Variants in WWOX observed in about 807,000 individuals in gnomAD.
WWOX encodes the protein WW domain containing oxidoreductase.
A neutral mutation model predicts 46.2 loss-of-function variants in WWOX; 69 were observed. That is an observed-to-expected ratio of 1.49 (90% CI 1.23 to 1.82). The LOEUF (loss-of-function observed/expected upper bound fraction) is 1.82, where lower values mean the gene tolerates loss of function less well. Ranked by LOEUF, WWOX falls within the 40% of genes most tolerant of loss-of-function variation. The pLI is 0.00. For missense variants in WWOX, 919 were observed against 542.6 expected, an observed-to-expected ratio of 1.69 and a Z score of -6.89; for synonymous variants, 359 against 202.6, an observed-to-expected ratio of 1.77 and a Z score of -6.56.
intron 8 of WWOX, among the ~76,000 whole-genome samples, chr16:78,747,171 G>T (rs894735560): frequency 1.3e-5 from 2 of 151,044 alleles, no homozygotes; most frequent in African/African-American, 4.9e-5. Context: ...GAAGAGTGGT[G>T]GGGGGCACTT....
chr16:78,407,969 G>A (rs1173563934), intron 6 of WWOX, among the ~76,000 whole-genome samples: 1 of 152,124 alleles, frequency 6.6e-6, no homozygotes, highest in African/African-American at 2.4e-5. Flanking sequence ...AAGCAAAATT[G>A]GAAGCCAAGT....
rs192987367 is a variant in WWOX, at chr16:78,137,407, C to T, written c.409+22253C>T. On this transcript the variant is annotated intron_variant, in intron 4 of 8. Transcript: ENST00000566780. ...CTCATCTGTAAAATGGGAACCATGA[C>T]GTCAGCATCACAGAGTTGTGAGAAT... 1.6e-3 allele frequency among the ~76,000 whole-genome samples: 251 copies of T among 152,236 alleles called. 2 individuals are homozygous for T. Among genetic ancestry groups the T allele is most frequent in the Non-Finnish European group, 4.4e-4 (30 of 68,040 alleles).
chr16:78,815,362 G>C (rs1355689783), intron 8 of WWOX, among the ~76,000 whole-genome samples: 2 of 151,774 alleles, frequency 1.3e-5, no homozygotes, highest in African/African-American at 4.8e-5. Context: ...ATACATTTTA[G>C]CTGACAAGGG....
At chr16:78,887,055 C>T (rs559000582) in intron 8 of WWOX, among the ~76,000 whole-genome samples, 2 of 145,220 alleles carry the variant, frequency 1.4e-5, no homozygotes, top group Non-Finnish European at 3.0e-5. Flanking sequence ...AAGTGACAGT[C>T]TGGCTATATG....
At chr16:78,100,149 G>A (rs2031665572) in intron 1 of WWOX, 3 of 1,315,580 alleles carry the variant, frequency 2.3e-6, no homozygotes, top group Admixed American at 4.3e-5. Flanking sequence ...GCGCGGCGAG[G>A]GCAAAGCGGC....
chr16:78,747,081 C>G (rs561169986), intron 8 of WWOX, among the ~76,000 whole-genome samples: 1 of 152,100 alleles, frequency 6.6e-6, no homozygotes, highest in African/African-American at 2.4e-5. Context: ...TGCAACCACT[C>G]TAGTCTTCTT....
intron 8 of WWOX, among the ~76,000 whole-genome samples, chr16:78,973,868 T>C (rs1042234532): frequency 6.6e-6 from 1 of 152,228 alleles, no homozygotes; most frequent in South Asian, 2.1e-4. Context: ...AAACGGAAAT[T>C]TCTATCTCCA....
At chr16:79,173,889 A>C (rs896086139) in intron 8 of WWOX, among the ~76,000 whole-genome samples, 5 of 152,240 alleles carry the variant, frequency 3.3e-5, no homozygotes, top group Non-Finnish European at 5.9e-5. Context: ...TGGGTGATAT[A>C]TTATCTACAT....
chr16:78,866,337 G>A (rs2044002563), intron 8 of WWOX, among the ~76,000 whole-genome samples: 1 of 151,942 alleles, frequency 6.6e-6, no homozygotes, highest in African/African-American at 2.4e-5. Context: ...TCCCTCTGGG[G>A]GACTGAGACA....
At chr16:78,738,294 T>C (rs2049135823) in intron 8 of WWOX, among the ~76,000 whole-genome samples, 1 of 152,158 alleles carries the variant, frequency 6.6e-6, no homozygotes, top group Non-Finnish European at 1.5e-5. Context: ...TGCTCTTGTG[T>C]CTGGGTGAAA....
chr16:78,409,717 G>A (rs1010922261), intron 6 of WWOX, among the ~76,000 whole-genome samples: 5 of 152,116 alleles, frequency 3.3e-5, no homozygotes, highest in Non-Finnish European at 7.3e-5. Flanking sequence ...TAAGGTGTCG[G>A]TATGGCTCTG....
chr16:78,998,682 T>G (rs1334773476), intron 8 of WWOX, among the ~76,000 whole-genome samples: 1 of 152,362 alleles, frequency 6.6e-6, no homozygotes, highest in East Asian at 1.9e-4. Context: ...GTGCTCAGCA[T>G]GCATGAAGGA....
At chr16:79,118,501 G>T (rs1434543618) in intron 8 of WWOX, among the ~76,000 whole-genome samples, 1 of 152,192 alleles carries the variant, frequency 6.6e-6, no homozygotes, top group Non-Finnish European at 1.5e-5. Flanking sequence ...TTGGAAAAAT[G>T]GTGCCGATAG....
chr16:78,748,827 C>A (rs542399494), intron 8 of WWOX, among the ~76,000 whole-genome samples: 3 of 152,320 alleles, frequency 2.0e-5, no homozygotes, highest in African/African-American at 7.2e-5. Flanking sequence ...CTGCCCAAAT[C>A]CTTGTAAAGC....
At chr16:79,043,976 A>G (rs1023001966) in intron 8 of WWOX, among the ~76,000 whole-genome samples, 1 of 152,180 alleles carries the variant, frequency 6.6e-6, no homozygotes, top group Non-Finnish European at 1.5e-5. Context: ...CCTTGTGGCC[A>G]GGGACAATGA....
At chr16:78,744,272 AAC>A (rs2142426888) in intron 8 of WWOX, among the ~76,000 whole-genome samples, 1 of 152,262 alleles carries the variant, frequency 6.6e-6, no homozygotes, top group East Asian at 1.9e-4. Flanking sequence ...GGACTTTAGA[AAC>A]ACATAGGCTA....
At chr16:78,663,511 C>G (rs1218032165) in intron 8 of WWOX, among the ~76,000 whole-genome samples, 1 of 152,180 alleles carries the variant, frequency 6.6e-6, no homozygotes, top group Non-Finnish European at 1.5e-5. Context: ...GGTAACACTT[C>G]TATAAGCGTT....
At chr16:78,713,265 C>G (rs1390477702) in intron 8 of WWOX, among the ~76,000 whole-genome samples, 2 of 110,772 alleles carry the variant, frequency 1.8e-5, no homozygotes, top group African/African-American at 8.1e-5. Flanking sequence ...CAAAGTGAGA[C>G]TCTGTCTCAA....
At chr16:78,903,545 G>T (rs922532472) in intron 8 of WWOX, among the ~76,000 whole-genome samples, 1 of 152,210 alleles carries the variant, frequency 6.6e-6, no homozygotes, top group African/African-American at 2.4e-5. Context: ...AAGGTAAGGG[G>T]TTGCAAAAGA....
Sources: gnomAD v4.1 joint callset for allele counts (sites outside exome capture counted in the v4.1 genomes callset) on GRCh38, gnomAD v4.1.1 for gene constraint, MANE v1.5 for transcripts, NCBI Gene and HGNC (gene_info 2026-07-23, HGNC 2026-07-21) for gene names.